The following ZNF341 variants were observed in gnomAD, a reference collection of about 807,000 sequenced individuals.
ZNF341 encodes zinc finger protein 341.
Under a neutral mutation model 87.7 loss-of-function variants are expected in ZNF341, and 52 were observed. That is an observed-to-expected ratio of 0.59 (90% CI 0.47 to 0.75). ZNF341 has a LOEUF of 0.75. Ranked by LOEUF, ZNF341 falls within the 30% of genes least tolerant of loss-of-function variation. The pLI, the probability that ZNF341 is intolerant of heterozygous loss-of-function variation, is 0.00. For missense variants in ZNF341, 977 were observed against 1,145.9 expected (o/e 0.85, Z 2.13); for synonymous variants, 459 against 472.7 (o/e 0.97, Z 0.38).
chr20:33,766,677 A>G (rs1157506735), intron 8 of ZNF341, among the ~76,000 whole-genome samples, 174 bp from the exon 9 acceptor site: 1 of 152,178 alleles, frequency 6.6e-6, no homozygotes, highest in Non-Finnish European at 1.5e-5. Context: ...GAGCCTGGGA[A>G]TGGCCGTACC....
chr20:33,739,631 G>A (rs772701230), intron 1 of ZNF341, among the ~76,000 whole-genome samples: 6 of 152,120 alleles, frequency 3.9e-5, no homozygotes, highest in Non-Finnish European at 7.3e-5. Flanking sequence ...AAGGACGCCC[G>A]CGTGCACACA....
At position 33,761,543 on chromosome 20, in the gene ZNF341, C is replaced by T. The variant is rs540952535; in HGVS notation, c.1029-319C>T. Among the ~76,000 whole-genome samples the T allele has an allele frequency of 7.9e-5, 12 of 152,264 alleles. No homozygotes were observed. In the South Asian group the frequency reaches 1.5e-3, roughly 18 times the overall value. On this transcript the variant is annotated intron_variant, in intron 7 of 14. Transcript: ENST00000375200. ...CCTCCCAAAGTGCTGGGATTACTGGCGTGAACTACTGTGCCAGGCCAGAAG... is the reference window on the plus strand; with the variant it reads ...CCTCCCAAAGTGCTGGGATTACTGGTGTGAACTACTGTGCCAGGCCAGAAG...
Position 33,749,178 on chromosome 20 carries a change from C to G in ZNF341, c.489+106C>G, listed in dbSNP as rs749585835. On this transcript the variant is annotated intron_variant, in intron 4 of 14. Coordinates refer to ENST00000375200, the MANE Select transcript of ZNF341 (RefSeq NM_001282933.2). ...AAAGGGGGCCTGGCCCCAGCTCTCCCTGATGCTGAGGGAGGCTATCAGCTT... is the reference window on the plus strand; with the variant it reads ...AAAGGGGGCCTGGCCCCAGCTCTCCGTGATGCTGAGGGAGGCTATCAGCTT... 11 of 1,435,588 alleles carry G rather than the reference C, an allele frequency of 7.7e-6. No homozygotes were observed. The Admixed American group carries it at 9.8e-5, about 13-fold the overall frequency. 88.9% of individuals were successfully genotyped at this position (1,435,588 alleles called of 1,614,324 possible).
chr20:33,752,657 T>C (rs955523082), intron 4 of ZNF341: 231 of 231,584 alleles, frequency 1.0e-3, no homozygotes, highest in African/African-American at 1.9e-3. Context: ...CTTTTCTTTT[T>C]TTTTTTTTTT....
At chr20:33,745,391 A>G in intron 3 of ZNF341, 92 bp downstream of exon 3, 3 of 1,263,636 alleles carry the variant, frequency 2.4e-6, no homozygotes, top group Non-Finnish European at 3.3e-6. Context: ...GCAATGGATA[A>G]GACAGACCAA....
Position 33,791,307 on chromosome 20 carries a change from C to T in ZNF341, c.2355C>T (p.Pro785=), listed in dbSNP as rs764164087. Residue 785 remains proline (P), a synonymous_variant, in exon 15 of 15, where the codon CCC becomes CCT. Coordinates refer to ENST00000375200, the MANE Select transcript of ZNF341 (RefSeq NM_001282933.2). ...AGGACACAGGGGCTGGGCTGGTGCC[C>T]GAGGCTGTCCCCGGCAAGCCGCCCT... The part of the protein sequence containing the change: ...ELKDTGAGLV[P]EAVPGKPPFA... 2.9e-5 allele frequency: 46 copies of T among 1,611,332 alleles called. 1 individual carries two copies. Among genetic ancestry groups the T allele is most frequent in the Middle Eastern group, 3.3e-4 (2 of 6,070 alleles).
chr20:33,767,956 C>G (rs1410978686), intron 9 of ZNF341, among the ~76,000 whole-genome samples: 3 of 152,126 alleles, frequency 2.0e-5, no homozygotes, highest in South Asian at 2.1e-4. Flanking sequence ...CTCCATACAT[C>G]AAATGTGTAT....
Position 33,783,757 on chromosome 20 carries a change from G to T in ZNF341, c.1745G>T (p.Arg582Leu). The T allele has an allele frequency of 6.2e-7, 1 of 1,613,780 alleles. No individual in the cohort carries two copies. Among genetic ancestry groups the T allele is most frequent in the Non-Finnish European group, 8.5e-7 (1 of 1,179,868 alleles). Residue 582 changes from arginine to leucine, a missense_variant, in exon 12 of 15, where the codon CGG becomes CTG. Physicochemically the swap from Arg to Leu is moderately radical, Grantham distance 102. Coordinates refer to ENST00000375200, the MANE Select transcript of ZNF341 (RefSeq NM_001282933.2). ...QKVFPCERYLRRHLPTHGSGG... is the reference protein window; with the variant it reads ...QKVFPCERYLLRHLPTHGSGG... Reference sequence around the variant, plus strand: ...GTGTTTCCTTGTGAACGCTACCTGCGGCGTCATCTGCCCACCCACGGCAGC... The same window carrying T: ...GTGTTTCCTTGTGAACGCTACCTGCTGCGTCATCTGCCCACCCACGGCAGC...
chr20:33,784,016 C>T, intron 12 of ZNF341, 152 bp downstream of exon 12: 1 of 698,304 alleles, frequency 1.4e-6, no homozygotes. Flanking sequence ...CCCTCCCCAT[C>T]TCACTCAGTC....
At chr20:33,759,676 A>G (rs995946833) in intron 7 of ZNF341, among the ~76,000 whole-genome samples, 3 of 152,200 alleles carry the variant, frequency 2.0e-5, no homozygotes, top group Non-Finnish European at 4.4e-5. Context: ...TTCAGTCCTT[A>G]GGAAGTCATA....
At chr20:33,776,086 T>G (rs1009005936) in intron 10 of ZNF341, among the ~76,000 whole-genome samples, 1 of 151,992 alleles carries the variant, frequency 6.6e-6, no homozygotes, top group African/African-American at 2.4e-5. Context: ...AATTAATTAA[T>G]TTTTTGTTTA....
chr20:33,761,804 G>A (rs2019296586), intron 7 of ZNF341, 58 bp from the exon 8 acceptor site: 2 of 1,373,272 alleles, frequency 1.5e-6, no homozygotes, highest in East Asian at 5.3e-5. Flanking sequence ...GTGAGCTCCT[G>A]GGCTGAGGCC....
intron 1 of ZNF341, among the ~76,000 whole-genome samples, chr20:33,733,054 T>C (rs961678617): frequency 2.0e-5 from 3 of 152,072 alleles, no homozygotes; most frequent in Non-Finnish European, 4.4e-5. Context: ...CCCTGCACTT[T>C]TTAATTTTTT....
At chr20:33,756,816 A>G (rs1330959224) in intron 5 of ZNF341, among the ~76,000 whole-genome samples, 2 of 152,238 alleles carry the variant, frequency 1.3e-5, no homozygotes, top group African/African-American at 4.8e-5. Context: ...CAGTAACCGC[A>G]TGAGAGGGGT....
intron 11 of ZNF341, 109 bp downstream of exon 11, chr20:33,781,496 C>T (rs1201350336): frequency 1.0e-6 from 1 of 970,128 alleles, no homozygotes; most frequent in Non-Finnish European, 1.6e-6. Context: ...ATAGGACACG[C>T]AGGCAGGGCT....
intron 8 of ZNF341, among the ~76,000 whole-genome samples, chr20:33,764,562 T>TATATATATATATATATATATATA (rs1491532951): frequency 1.6e-3 from 64 of 40,232 alleles, no homozygotes; most frequent in African/African-American, 3.8e-3. Flanking sequence ...TATATATATA[T>TATATATATATATATATATATATA]TTTTTTTTTT....
At chr20:33,766,438 G>C (rs752930887) in intron 8 of ZNF341, among the ~76,000 whole-genome samples, 1 of 151,912 alleles carries the variant, frequency 6.6e-6, no homozygotes, top group Non-Finnish European at 1.5e-5. Flanking sequence ...CAAGTGATCC[G>C]TCCGCCTTGA....
chr20:33,749,911 C>T (rs549628143), intron 4 of ZNF341, among the ~76,000 whole-genome samples: 2 of 151,902 alleles, frequency 1.3e-5, no homozygotes, highest in Non-Finnish European at 2.9e-5. Context: ...CGCCACCACG[C>T]CCAGCTGATT....
At chr20:33,747,295 G>T (rs1315555139) in intron 3 of ZNF341, among the ~76,000 whole-genome samples, 1 of 152,080 alleles carries the variant, frequency 6.6e-6, no homozygotes, top group Non-Finnish European at 1.5e-5. Context: ...AGGACATATA[G>T]ACTGAAACAG....
Sources: gnomAD v4.1 joint callset for allele counts (sites outside exome capture counted in the v4.1 genomes callset) on GRCh38, gnomAD v4.1.1 for gene constraint, MANE v1.5 for transcripts, NCBI Gene and HGNC (gene_info 2026-07-23, HGNC 2026-07-21) for gene names.